The following GRIA4 variants were observed in gnomAD, a reference collection of about 807,000 sequenced individuals.
The protein encoded by GRIA4 is glutamate ionotropic receptor AMPA type subunit 4.
Under a neutral mutation model 104.0 loss-of-function variants are expected in GRIA4, and 34 were observed. That is an observed-to-expected ratio of 0.33 (90% confidence interval 0.25 to 0.44). GRIA4 has a LOEUF of 0.44. Ranked by LOEUF, GRIA4 falls within the 20% of genes least tolerant of loss-of-function variation. The probability of loss-of-function intolerance (pLI) is 1.00; values close to 1 mark genes in which losing one functional copy is unlikely to be tolerated. For synonymous variants in GRIA4, 386 were observed against 381.9 expected, an observed-to-expected ratio of 1.01 and a Z score of -0.13; for missense variants, 750 against 1,096.5, an observed-to-expected ratio of 0.68 and a Z score of 4.46.
chr11:105,842,796 C>G (rs1944440938), intron 4 of GRIA4: 1 of 152,148 alleles, frequency 6.6e-6, no homozygotes, highest in African/African-American at 2.4e-5. Flanking sequence ...AGTGAAGTTT[C>G]AGGTCTGCTG....
chr11:105,753,979 G>A (rs1288768817), intron 4 of GRIA4, among the ~76,000 whole-genome samples: 1 of 152,008 alleles, frequency 6.6e-6, no homozygotes, highest in African/African-American at 2.4e-5. Flanking sequence ...TCTGTCCTTT[G>A]GGTTTTTATG....
chr11:105,672,190 G>A (rs1227344882), intron 3 of GRIA4, among the ~76,000 whole-genome samples: 1 of 152,132 alleles, frequency 6.6e-6, no homozygotes, highest in Non-Finnish European at 1.5e-5. Context: ...TGCAATTCTT[G>A]TGCCATTTCA....
intron 3 of GRIA4, among the ~76,000 whole-genome samples, chr11:105,718,719 A>C (rs1239110544): frequency 6.6e-6 from 1 of 152,154 alleles, no homozygotes; most frequent in Non-Finnish European, 1.5e-5. Context: ...AGCTACTTGA[A>C]GGCCAAAGTT....
At chr11:105,623,467 G>A (rs1327748517) in intron 3 of GRIA4, among the ~76,000 whole-genome samples, 2 of 151,806 alleles carry the variant, frequency 1.3e-5, no homozygotes, top group African/African-American at 2.4e-5. Context: ...CATTGCTTTA[G>A]AATAAAATTC....
chr11:105,849,528 C>A (rs1944721974), intron 4 of GRIA4, among the ~76,000 whole-genome samples: 2 of 152,156 alleles, frequency 1.3e-5, no homozygotes, highest in Non-Finnish European at 2.9e-5. Flanking sequence ...TTGGAGTGGT[C>A]AATTTGGCAA....
chr11:105,819,181 C>G (rs995672151), intron 4 of GRIA4, among the ~76,000 whole-genome samples: 1 of 152,100 alleles, frequency 6.6e-6, no homozygotes, highest in Admixed American at 6.6e-5. Context: ...TGGCTCTTTA[C>G]TTATTTATGT....
chr11:105,643,900 G>A (rs1951444583), intron 3 of GRIA4, among the ~76,000 whole-genome samples: 1 of 152,010 alleles, frequency 6.6e-6, no homozygotes, highest in Admixed American at 6.6e-5. Flanking sequence ...GGTAGTTTTA[G>A]TAGAGACAGG....
chr11:105,619,533 C>T (rs906178345), intron 3 of GRIA4, among the ~76,000 whole-genome samples: 6 of 151,744 alleles, frequency 4.0e-5, no homozygotes, highest in Admixed American at 2.0e-4. Context: ...TTTTAAATCA[C>T]GTACAGAAGT....
At chr11:105,663,233 T>C (rs1018840172) in intron 3 of GRIA4, among the ~76,000 whole-genome samples, 1 of 151,934 alleles carries the variant, frequency 6.6e-6, no homozygotes, top group Non-Finnish European at 1.5e-5. Flanking sequence ...ATATTCAAGG[T>C]TCATAACATT....
At chr11:105,849,860 G>C (rs531938924) in intron 4 of GRIA4, among the ~76,000 whole-genome samples, 1 of 151,952 alleles carries the variant, frequency 6.6e-6, no homozygotes, top group African/African-American at 2.4e-5. Flanking sequence ...TGTTGTTCTC[G>C]GGTTTTTTAA....
intron 3 of GRIA4, among the ~76,000 whole-genome samples, chr11:105,654,842 G>A (rs1951795092): frequency 6.6e-6 from 1 of 152,082 alleles, no homozygotes; most frequent in South Asian, 2.1e-4. Context: ...AACTTCAGAT[G>A]AGTGAAGTTG....
chr11:105,800,119 T>C (rs1436920398), intron 4 of GRIA4, among the ~76,000 whole-genome samples: 1 of 152,082 alleles, frequency 6.6e-6, no homozygotes, highest in African/African-American at 2.4e-5. Flanking sequence ...AATAGATTAA[T>C]GGTTCTAGTG....
intron 4 of GRIA4, among the ~76,000 whole-genome samples, chr11:105,838,684 C>T (rs1267495524): frequency 6.6e-6 from 1 of 152,110 alleles, no homozygotes; most frequent in Non-Finnish European, 1.5e-5. Context: ...CTATTAAAAT[C>T]TTCAATAACC....
chr11:105,768,196 C>A (rs1177353948), intron 4 of GRIA4, among the ~76,000 whole-genome samples: 2 of 152,090 alleles, frequency 1.3e-5, no homozygotes, highest in African/African-American at 4.8e-5. Context: ...ATAGTAGGGA[C>A]TGCCAGCCCC....
At chr11:105,786,981 C>T (rs990891412) in intron 4 of GRIA4, among the ~76,000 whole-genome samples, 1 of 152,124 alleles carries the variant, frequency 6.6e-6, no homozygotes, top group African/African-American at 2.4e-5. Context: ...TTCTCTGACT[C>T]TCCCAGCTTC....
intron 14 of GRIA4, among the ~76,000 whole-genome samples, chr11:105,970,181 T>C (rs1053643622): frequency 1.3e-5 from 2 of 152,154 alleles, no homozygotes; most frequent in South Asian, 2.1e-4. Flanking sequence ...TCTAGGATCA[T>C]GGCAAATATA....
At chr11:105,946,248 T>C (rs534788447) in intron 14 of GRIA4, among the ~76,000 whole-genome samples, 1 of 152,298 alleles carries the variant, frequency 6.6e-6, no homozygotes, top group Non-Finnish European at 1.5e-5. Context: ...CTCTTTCAAA[T>C]TGGTCTTTCC....
chr11:105,885,561 T>C (rs1946225818), intron 5 of GRIA4, among the ~76,000 whole-genome samples: 1 of 152,222 alleles, frequency 6.6e-6, no homozygotes, highest in Non-Finnish European at 1.5e-5. Flanking sequence ...ATTGGTCATT[T>C]AATGCTTTCC....
At chr11:105,924,796 C>T (rs369001433) in intron 12 of GRIA4, 27 bp downstream of exon 12, 11 of 1,504,532 alleles carry the variant, frequency 7.3e-6, no homozygotes, top group Non-Finnish European at 1.0e-5. Context: ...TTAAGTTCTT[C>T]ACTGATTTCC....
Sources: allele counts gnomAD v4.1 joint callset (sites outside exome capture counted in the v4.1 genomes callset), GRCh38; gene constraint gnomAD v4.1.1; transcripts MANE v1.5; gene names NCBI Gene and HGNC (gene_info 2026-07-23, HGNC 2026-07-21).